CDH2: variants seen among roughly 807,000 people sequenced by gnomAD.
CDH2 encodes cadherin-2.
Under a neutral mutation model 92.0 loss-of-function variants are expected in CDH2, and 17 were observed. The observed-to-expected ratio is 0.18, with a 90% CI of 0.13 to 0.28. The LOEUF (loss-of-function observed/expected upper bound fraction) is 0.28, where lower values mean the gene tolerates loss of function less well. CDH2 is among the 10% of genes least tolerant of loss of function. The pLI, the probability that CDH2 is intolerant of heterozygous loss-of-function variation, is 1.00. For synonymous variants in CDH2, 419 were observed against 415.9 expected, an observed-to-expected ratio of 1.01 and a Z score of -0.09; for missense variants, 862 against 1,133.1, an observed-to-expected ratio of 0.76 and a Z score of 3.44.
chr18:28,141,337 G>A (rs1361125223), intron 2 of CDH2, among the ~76,000 whole-genome samples: 1 of 151,860 alleles, frequency 6.6e-6, no homozygotes, highest in Non-Finnish European at 1.5e-5. Context: ...AAAGGTGTAT[G>A]AGGCTACAGG....
intron 2 of CDH2, among the ~76,000 whole-genome samples, chr18:28,102,265 G>A (rs2015239279): frequency 6.6e-6 from 1 of 152,048 alleles, no homozygotes; most frequent in Non-Finnish European, 1.5e-5. Context: ...TATATTAAAT[G>A]GAGAAATGAA....
chr18:27,975,719 G>T (rs1353221582), intron 14 of CDH2, among the ~76,000 whole-genome samples: 2 of 152,188 alleles, frequency 1.3e-5, no homozygotes, highest in East Asian at 3.9e-4. Flanking sequence ...CAAGAGGTCC[G>T]TGTGACAGCC....
rs560411973 is a variant in CDH2, at chr18:28,082,727, A to G, written c.172+64946T>C. On this transcript the variant is annotated intron_variant, in intron 2 of 15. Transcript: ENST00000269141. ...AGTTGCTGCCTTAATTGAACTTGAG[A>G]TGTGGTTTCTTGAATATAATGAAAA... Among the ~76,000 whole-genome samples the G allele has an allele frequency of 1.6e-4, 24 of 152,286 alleles. No homozygotes were observed. In the South Asian group the frequency reaches 4.8e-3, roughly 30 times the overall value.
intron 2 of CDH2, among the ~76,000 whole-genome samples, chr18:28,054,832 A>G (rs954077375): frequency 1.3e-5 from 2 of 152,194 alleles, no homozygotes; most frequent in African/African-American, 4.8e-5. Context: ...TTCTTGTCAT[A>G]ATCTTTGCTA....
chr18:28,004,625 T>C (rs542118048), intron 6 of CDH2, among the ~76,000 whole-genome samples: 9 of 152,246 alleles, frequency 5.9e-5, no homozygotes, highest in East Asian at 3.9e-4. Flanking sequence ...AAAAAGAAAA[T>C]AATATAAAAA....
chr18:28,005,315 C>A (rs1251515109), intron 6 of CDH2, among the ~76,000 whole-genome samples: 1 of 152,148 alleles, frequency 6.6e-6, no homozygotes, highest in African/African-American at 2.4e-5. Flanking sequence ...AGGGGACACG[C>A]TGGCCACCCT....
chr18:28,086,302 CTATAGT>C (rs1478305155), intron 2 of CDH2, among the ~76,000 whole-genome samples: 2 of 152,044 alleles, frequency 1.3e-5, no homozygotes, highest in Non-Finnish European at 2.9e-5. Context: ...CATTAGAACT[CTATAGT>C]TATTCAGTTA....
At chr18:28,009,265 A>G (rs1055441533) in intron 5 of CDH2, among the ~76,000 whole-genome samples, 8 of 152,254 alleles carry the variant, frequency 5.3e-5, no homozygotes, top group Admixed American at 3.3e-4. Flanking sequence ...TCCTAATTAG[A>G]CAAAAGGTTC....
At chr18:28,141,793 TATCTGACCTC>T (rs1372462230) in intron 2 of CDH2, among the ~76,000 whole-genome samples, 2 of 151,968 alleles carry the variant, frequency 1.3e-5, no homozygotes, top group Non-Finnish European at 2.9e-5. Context: ...GCCTATGACT[TATCTGACCTC>T]ATCTGACCTC....
chr18:28,108,702 G>A (rs574729823), intron 2 of CDH2, among the ~76,000 whole-genome samples: 1 of 151,624 alleles, frequency 6.6e-6, no homozygotes, highest in Admixed American at 6.6e-5. Context: ...TTTGCATTAA[G>A]CAGAGCTTTA....
chr18:28,032,246 TGG>T (rs1430997215), intron 2 of CDH2, among the ~76,000 whole-genome samples: 2 of 152,128 alleles, frequency 1.3e-5, no homozygotes, highest in African/African-American at 4.8e-5. Context: ...AACAACAGTC[TGG>T]TGTTGAGCCA....
chr18:28,076,423 T>A (rs375020997), intron 2 of CDH2, among the ~76,000 whole-genome samples: 1 of 152,192 alleles, frequency 6.6e-6, no homozygotes, highest in African/African-American at 2.4e-5. Context: ...GGAAATAATA[T>A]ATGCCCCTTA....
chr18:28,052,446 T>C (rs1160896173), intron 2 of CDH2, among the ~76,000 whole-genome samples: 1 of 152,174 alleles, frequency 6.6e-6, no homozygotes, highest in Non-Finnish European at 1.5e-5. Flanking sequence ...AGAAGAAAAC[T>C]CTGAAATGAA....
At chr18:28,006,739 A>G (rs1377672367) in intron 5 of CDH2, among the ~76,000 whole-genome samples, 1 of 149,594 alleles carries the variant, frequency 6.7e-6, no homozygotes, top group Non-Finnish European at 1.5e-5. Context: ...AAAAAAAAAG[A>G]AGTGGAAGTA....
intron 2 of CDH2, among the ~76,000 whole-genome samples, chr18:28,143,794 C>T (rs1456578008): frequency 6.6e-6 from 1 of 151,966 alleles, no homozygotes; most frequent in Non-Finnish European, 1.5e-5. Context: ...ATCACATATA[C>T]ACCATGAAAT....
intron 2 of CDH2, among the ~76,000 whole-genome samples, chr18:28,092,551 A>G (rs2015055412): frequency 1.3e-5 from 2 of 152,032 alleles, no homozygotes; most frequent in Admixed American, 1.3e-4. Context: ...AGAGAGAAAA[A>G]AAAAACAAAA....
intron 2 of CDH2, among the ~76,000 whole-genome samples, chr18:28,139,839 T>C (rs1413441389): frequency 6.6e-6 from 1 of 152,048 alleles, no homozygotes; most frequent in East Asian, 1.9e-4. Context: ...TTACCCTGTG[T>C]CAAGGTTTTA....
At chr18:28,165,700 G>A (rs2016367629) in intron 1 of CDH2, among the ~76,000 whole-genome samples, 2 of 150,826 alleles carry the variant, frequency 1.3e-5, no homozygotes, top group African/African-American at 4.9e-5. Flanking sequence ...TGGCTTCAGA[G>A]TCCCCAATCT....
At chr18:27,994,811 A>G (rs2012528765) in intron 7 of CDH2, among the ~76,000 whole-genome samples, 1 of 152,100 alleles carries the variant, frequency 6.6e-6, no homozygotes. Flanking sequence ...AGTAGGAAGG[A>G]AAGCCAAACC....
Sources: gnomAD v4.1 joint callset for allele counts (sites outside exome capture counted in the v4.1 genomes callset) on GRCh38, gnomAD v4.1.1 for gene constraint, MANE v1.5 for transcripts, NCBI Gene and HGNC (gene_info 2026-07-23, HGNC 2026-07-21) for gene names.